The following AP1B1 variants were observed in gnomAD, a reference collection of about 807,000 sequenced individuals.
The protein encoded by AP1B1 is AP-1 complex subunit beta-1.
AP1B1 carries 36 observed loss-of-function variants against 104.3 expected under a neutral mutation model. The observed-to-expected ratio is 0.35, with a 90% CI of 0.26 to 0.46. The LOEUF (loss-of-function observed/expected upper bound fraction) is 0.46, where lower values mean the gene tolerates loss of function less well. Among genes scored for constraint, AP1B1 ranks in the 20% least tolerant of loss-of-function variants. The probability of loss-of-function intolerance (pLI) is 1.00; values close to 1 mark genes in which losing one functional copy is unlikely to be tolerated. For missense variants in AP1B1, 901 were observed against 1,247.9 expected, an observed-to-expected ratio of 0.72 and a Z score of 4.19; for synonymous variants, 504 against 517.5, an observed-to-expected ratio of 0.97 and a Z score of 0.35.
rs770850540 is a variant in AP1B1 at position 29,331,473 on chromosome 22, G to C, written c.2500C>G (p.Leu834Val). The change falls in exon 19 of 23, where the codon CTC (leucine) becomes GTC (valine). Residue 834 changes from leucine (L) to valine (V), a missense_variant. Physicochemically the swap from Leu to Val is conservative, Grantham distance 32 (BLOSUM62 1). Coordinates refer to ENST00000357586, the MANE Select transcript of AP1B1 (RefSeq NM_001127.4). Reference sequence around the variant, plus strand: ...CCCATCTTCCCGTCCTCCACAAAGAGGATGTGCAGTGGGTACAAGGTGCTG... The same window carrying C: ...CCCATCTTCCCGTCCTCCACAAAGACGATGTGCAGTGGGTACAAGGTGCTG... ...YFSTLYPLHILFVEDGKMDRQ... is the reference protein window; with the variant it reads ...YFSTLYPLHIVFVEDGKMDRQ... 4 of 1,614,196 alleles carry C rather than the reference G, an allele frequency of 2.5e-6. No homozygotes were observed. In the South Asian group the frequency reaches 4.4e-5, roughly 18 times the overall value.
chr22:29,387,883 A>T (rs2062555619), intron 1 of AP1B1, among the ~76,000 whole-genome samples: 1 of 152,248 alleles, frequency 6.6e-6, no homozygotes, highest in Non-Finnish European at 1.5e-5. Flanking sequence ...GATAGCCACT[A>T]GCAAGCATCT....
rs573955895 is a variant in AP1B1 at position 29,353,234 on chromosome 22, G to C, written c.939-1409C>G. On this transcript the variant is annotated intron_variant, in intron 7 of 22. Transcript: ENST00000357586. ...GAGAAGACAGGACAGAGAGAAAGGAGAAAACTGGGTACTCTGTGCTGCTGT... is the reference window on the plus strand; with the variant it reads ...GAGAAGACAGGACAGAGAGAAAGGACAAAACTGGGTACTCTGTGCTGCTGT... 1.3e-3 allele frequency among the ~76,000 whole-genome samples: 194 copies of C among 152,282 alleles called. 1 individual carries two copies. Among genetic ancestry groups the C allele is most frequent in the Middle Eastern group, 6.8e-3 (2 of 294 alleles).
intron 1 of AP1B1, among the ~76,000 whole-genome samples, chr22:29,369,317 T>C (rs1335517444): frequency 2.0e-5 from 3 of 152,008 alleles, no homozygotes; most frequent in Non-Finnish European, 4.4e-5. Flanking sequence ...GAGACACCCA[T>C]AGATTTTGTT....
intron 22 of AP1B1, chr22:29,329,152 TGA>T (rs1428510603): frequency 2.3e-6 from 3 of 1,299,000 alleles, no homozygotes; most frequent in East Asian, 6.9e-5. Flanking sequence ...GCGAGCAGTG[TGA>T]GTCACGAGCC....
chr22:29,364,835 A>C (rs558108304), intron 2 of AP1B1, among the ~76,000 whole-genome samples: 187 of 151,502 alleles, frequency 1.2e-3, no homozygotes, highest in African/African-American at 4.2e-3. Flanking sequence ...CAGCCTCCCA[A>C]ATAGCTGGAA....
intron 17 of AP1B1, among the ~76,000 whole-genome samples, chr22:29,332,599 C>T (rs1008035405): frequency 2.0e-5 from 3 of 152,222 alleles, no homozygotes; most frequent in African/African-American, 7.2e-5. Context: ...TATACCTGCT[C>T]CTAGCCTCAT....
intron 1 of AP1B1, among the ~76,000 whole-genome samples, chr22:29,376,009 T>A (rs775469570): frequency 2.0e-5 from 3 of 152,178 alleles, no homozygotes; most frequent in Non-Finnish European, 4.4e-5. Context: ...CTCTGCTGGA[T>A]GAGGGGCCCA....
At chr22:29,370,743 G>A (rs2062221771) in intron 1 of AP1B1, 1 of 151,966 alleles carries the variant, frequency 6.6e-6, no homozygotes, top group African/African-American at 2.4e-5. Context: ...GAGCTGCAGG[G>A]TAGCTGGTCA....
chr22:29,349,087 G>A (rs987380914), intron 11 of AP1B1, 131 bp downstream of exon 11: 21 of 1,050,050 alleles, frequency 2.0e-5, no homozygotes, highest in East Asian at 2.5e-5. Flanking sequence ...TGTCCATTAC[G>A]CGCACATCAC....
chr22:29,381,419 T>C (rs1013126363), intron 1 of AP1B1, among the ~76,000 whole-genome samples: 3 of 152,334 alleles, frequency 2.0e-5, no homozygotes, highest in East Asian at 1.9e-4. Context: ...GGCTGGTACC[T>C]GGCAAACAGG....
chr22:29,343,699 T>C (rs759059096), intron 11 of AP1B1, among the ~76,000 whole-genome samples: 2 of 152,250 alleles, frequency 1.3e-5, no homozygotes, highest in African/African-American at 4.8e-5. Context: ...ACTCCAGTTC[T>C]ATCACTTCTC....
intron 3 of AP1B1, 83 bp downstream of exon 3, chr22:29,362,918 A>G: frequency 1.3e-6 from 1 of 757,876 alleles, no homozygotes; most frequent in Non-Finnish European, 2.4e-6. Flanking sequence ...AGACACCCTA[A>G]AGGAGAGACT....
intron 1 of AP1B1, among the ~76,000 whole-genome samples, chr22:29,384,666 G>C (rs575185089): frequency 6.6e-6 from 1 of 152,042 alleles, no homozygotes; most frequent in Non-Finnish European, 1.5e-5. Context: ...TCAGGAGTTC[G>C]AGACCAGCCT....
chr22:29,374,466 A>G (rs1222229399), intron 1 of AP1B1, among the ~76,000 whole-genome samples: 1 of 152,252 alleles, frequency 6.6e-6, no homozygotes, highest in Non-Finnish European at 1.5e-5. Context: ...ATAAAAAGTG[A>G]CTACAAATAG....
chr22:29,329,388 C>T, intron 22 of AP1B1: 1 of 1,250,622 alleles, frequency 8.0e-7, no homozygotes, highest in Non-Finnish European at 1.0e-6. Flanking sequence ...AGCTTGAGAT[C>T]ACAGGCAGAG....
In AP1B1 at chr22:29,327,944, CAGG is replaced by C. The variant is rs2061503101; in HGVS notation, c.*874_*876del. ...CAGACACAACTGAAACCTGGGAGGC[CAGG>C]AGGAGGGCAGCAGACACTACAGAGA... On this transcript the variant is annotated 3_prime_UTR_variant, in exon 23 of 23. Coordinates refer to ENST00000357586, the MANE Select transcript of AP1B1 (RefSeq NM_001127.4). The C allele has an allele frequency of 6.6e-6, 1 of 152,520 alleles. No homozygotes were observed. The highest frequency in any genetic ancestry group is 1.5e-5 in the Non-Finnish European group (1 of 68,066). The allele number at this position is 152,520 out of a possible 1,614,324, so 9.4% of individuals were successfully genotyped here.
intron 14 of AP1B1, among the ~76,000 whole-genome samples, chr22:29,340,215 A>C (rs1384411527): frequency 6.6e-6 from 1 of 152,110 alleles, no homozygotes; most frequent in African/African-American, 2.4e-5. Context: ...CCGGCCTCCC[A>C]TGCCCTCTCA....
intron 1 of AP1B1, among the ~76,000 whole-genome samples, 180 bp downstream of exon 1, chr22:29,388,244 T>C (rs1361040516): frequency 6.6e-6 from 1 of 152,104 alleles, no homozygotes; most frequent in Non-Finnish European, 1.5e-5. Flanking sequence ...GGCGGCCAAG[T>C]GGGCGCGAAT....
Position 29,328,651 on chromosome 22 carries a change from G to T in AP1B1, c.*170C>A. ...TGCACTGCGCTCTCACCCCAGGAGG[G>T]GGTGGTGCCCTACCCCAGGGATCGG... On this transcript the variant is annotated 3_prime_UTR_variant, in exon 23 of 23. Coordinates refer to ENST00000357586, the MANE Select transcript of AP1B1 (RefSeq NM_001127.4). This position sits in a 1 kb window ranked among gnomAD's most constrained non-coding sequence, Gnocchi z 4.1. 1 of 767,416 alleles carries T rather than the reference G, an allele frequency of 1.3e-6. No homozygotes were observed. The highest frequency in any genetic ancestry group is 2.1e-6 in the Non-Finnish European group (1 of 487,180). The allele number at this position is 767,416 out of a possible 1,614,324, so 47.5% of individuals were successfully genotyped here. A position where few individuals can be genotyped will look rare whatever the true frequency, so the allele number is the denominator to read the frequency against.
Sources: gnomAD v4.1 joint callset for allele counts (sites outside exome capture counted in the v4.1 genomes callset) on GRCh38, gnomAD v4.1.1 for gene constraint, Gnocchi (gnomAD v3.1) non-coding constraint, MANE v1.5 for transcripts, NCBI Gene and HGNC (gene_info 2026-07-23, HGNC 2026-07-21) for gene names.